The following PRKAA1 variants were observed in gnomAD, a reference collection of about 807,000 sequenced individuals.
PRKAA1 encodes protein kinase AMP-activated catalytic subunit alpha 1, also known as 5'-AMP-activated protein kinase catalytic subunit alpha-1.
A neutral mutation model predicts 56.9 loss-of-function variants in PRKAA1; 23 were observed. The observed-to-expected ratio is 0.40, with a 90% confidence interval of 0.29 to 0.57. PRKAA1 has a LOEUF of 0.57. PRKAA1 is among the 20% of genes least tolerant of loss of function. The probability of loss-of-function intolerance (pLI) is 0.39; values close to 1 mark genes in which losing one functional copy is unlikely to be tolerated. For synonymous variants in PRKAA1, 226 were observed against 227.0 expected (o/e 1.00, Z 0.04); for missense variants, 413 against 679.7 (o/e 0.61, Z 4.36).
chr5:40,797,465 C>T lies in PRKAA1; in HGVS notation c.127+598G>A, dbSNP rs543112568. ...TGAACCAGTTTATACTCATTAACTG[C>T]TCCGAAGGAAACCAGTGATCCTTTC... On this transcript the variant is annotated intron_variant, in intron 1 of 8. Transcript: ENST00000397128. Among the ~76,000 whole-genome samples the T allele has an allele frequency of 1.4e-4, 22 of 152,310 alleles. No individual in the cohort carries two copies. In the South Asian group the frequency reaches 4.6e-3, roughly 32 times the overall value.
chr5:40,785,837 C>CAGAGAGAGAGAGAGAG (rs70988809), intron 1 of PRKAA1, among the ~76,000 whole-genome samples: 6 of 52,448 alleles, frequency 1.1e-4, no homozygotes, highest in African/African-American at 2.3e-4. Flanking sequence ...CACACACACA[C>CAGAGAGAGAGAGAGAG]ACAGAGAGAG....
chr5:40,766,110 C>G (rs1274772511), intron 6 of PRKAA1, among the ~76,000 whole-genome samples: 3 of 152,116 alleles, frequency 2.0e-5, no homozygotes, highest in Non-Finnish European at 2.9e-5. Context: ...AAAAACATTT[C>G]TTACCTAGAT....
In PRKAA1 at chr5:40,788,762, C is replaced by T. The variant is rs758349517; in HGVS notation, c.127+9301G>A. Among the ~76,000 whole-genome samples the T allele has an allele frequency of 1.9e-4, 29 of 151,614 alleles. 1 individual carries two copies. Among genetic ancestry groups the T allele is most frequent in the Admixed American group, 1.4e-3 (21 of 15,196 alleles). On this transcript the variant is annotated intron_variant, in intron 1 of 8. Transcript: ENST00000397128. Reference sequence around the variant, plus strand: ...GAATCGCTTGAACCCGGGAGGCGGACGCTGCAGTGAGCCAAGATCACGCCA... The same window carrying T: ...GAATCGCTTGAACCCGGGAGGCGGATGCTGCAGTGAGCCAAGATCACGCCA...
intron 5 of PRKAA1, chr5:40,768,950 A>G (rs754426939): frequency 6.8e-7 from 1 of 1,474,554 alleles, no homozygotes; most frequent in South Asian, 1.2e-5. Flanking sequence ...AAAAGGTTTA[A>G]AGAACAAAGA....
chr5:40,787,371 A>C (rs1372107657), intron 1 of PRKAA1, among the ~76,000 whole-genome samples: 1 of 151,960 alleles, frequency 6.6e-6, no homozygotes, highest in Non-Finnish European at 1.5e-5. Context: ...AGGCTGAGGC[A>C]GGAGAATAGC....
intron 3 of PRKAA1, among the ~76,000 whole-genome samples, chr5:40,772,665 G>A (rs992170901): frequency 6.6e-6 from 1 of 151,784 alleles, no homozygotes; most frequent in African/African-American, 2.4e-5. Flanking sequence ...ATCCAGTCTC[G>A]TTCTGTCATC....
Sources: gnomAD v4.1 joint callset for allele counts (sites outside exome capture counted in the v4.1 genomes callset) on GRCh38, gnomAD v4.1.1 for gene constraint, MANE v1.5 for transcripts, NCBI Gene and HGNC (gene_info 2026-07-23, HGNC 2026-07-21) for gene names.